The following MACROD2 variants were observed in gnomAD, a reference collection of about 807,000 sequenced individuals.
MACROD2 encodes the protein ADP-ribose glycohydrolase MACROD2.
A neutral mutation model predicts 70.4 loss-of-function variants in MACROD2; 36 were observed. That is an observed-to-expected ratio of 0.51 (90% confidence interval 0.39 to 0.68). The LOEUF is 0.68. Ranked by LOEUF, MACROD2 falls within the 30% of genes least tolerant of loss-of-function variation. MACROD2 has a pLI of 0.00. For missense variants in MACROD2, 496 were observed against 538.4 expected, an observed-to-expected ratio of 0.92 and a Z score of 0.78; for synonymous variants, 172 against 178.8, an observed-to-expected ratio of 0.96 and a Z score of 0.30.
chr20:15,994,264 A>G (rs1280441190), intron 15 of MACROD2, among the ~76,000 whole-genome samples: 1 of 152,220 alleles, frequency 6.6e-6, no homozygotes, highest in East Asian at 1.9e-4. Context: ...CACACTGTAG[A>G]TGAAGTTGTA....
intron 5 of MACROD2, among the ~76,000 whole-genome samples, chr20:14,907,764 A>G (rs542354266): frequency 2.2e-4 from 33 of 152,234 alleles, no homozygotes; most frequent in Admixed American, 1.2e-3. Context: ...CTAGATGATA[A>G]AGGGCTTTTC....
Position 15,288,641 on chromosome 20 carries a change from G to A in MACROD2, c.540+58580G>A, listed in dbSNP as rs142155781. ...CGGAACTAGGATCCCGTTTTCTCCT[G>A]TCCTTGCACATTGGAACTCTGGGTT... On this transcript the variant is annotated intron_variant, in intron 6 of 17. Coordinates refer to ENST00000684519, the MANE Select transcript of MACROD2 (RefSeq NM_001351661.2). Among the ~76,000 whole-genome samples the A allele has an allele frequency of 4.4e-3, 668 of 152,224 alleles. 7 individuals carry two copies. The highest frequency in any genetic ancestry group is 0.016 in the African/African-American group (645 of 41,540).
intron 12 of MACROD2, among the ~76,000 whole-genome samples, chr20:15,952,718 T>C (rs899722215): frequency 3.9e-5 from 6 of 152,164 alleles, no homozygotes; most frequent in African/African-American, 1.4e-4. Context: ...CACCAGACTT[T>C]AGGGGAACAC....
At chr20:15,320,145 G>T (rs1362070358) in intron 6 of MACROD2, among the ~76,000 whole-genome samples, 1 of 152,024 alleles carries the variant, frequency 6.6e-6, no homozygotes, top group Non-Finnish European at 1.5e-5. Flanking sequence ...TGGAGGTTGC[G>T]GTGAGCCAAG....
intron 8 of MACROD2, among the ~76,000 whole-genome samples, chr20:15,684,837 G>A (rs1311253005): frequency 6.6e-6 from 1 of 152,150 alleles, no homozygotes; most frequent in Non-Finnish European, 1.5e-5. Context: ...GAACATGCAT[G>A]TTTATATAGA....
At chr20:15,977,355 C>T (rs551380227) in intron 13 of MACROD2, among the ~76,000 whole-genome samples, 3 of 152,302 alleles carry the variant, frequency 2.0e-5, no homozygotes, top group Admixed American at 6.5e-5. Context: ...GAGATTATCT[C>T]GTTCCACAGC....
chr20:14,226,423 C>T (rs1025779280), intron 3 of MACROD2, among the ~76,000 whole-genome samples: 4 of 152,358 alleles, frequency 2.6e-5, no homozygotes, highest in African/African-American at 7.2e-5. Context: ...TTGAGGAGCA[C>T]TTCAGCCCAC....
intron 5 of MACROD2, among the ~76,000 whole-genome samples, chr20:15,080,115 CAAATAAATAAATAAATAAATAAATAAAT>C (rs11467492): frequency 7.0e-6 from 1 of 143,260 alleles, no homozygotes; most frequent in Non-Finnish European, 1.5e-5. Context: ...ACAGAACAGC[CAAATAAATAAATAAATAAATAAATAAAT>C]AAATAAATAA....
intron 4 of MACROD2, among the ~76,000 whole-genome samples, chr20:14,542,679 AAAC>A (rs1328996933): frequency 2.6e-5 from 4 of 152,220 alleles, no homozygotes; most frequent in Non-Finnish European, 5.9e-5. Flanking sequence ...CAGATGGATT[AAAC>A]AATGGATTGA....
chr20:14,438,757 T>C (rs1242269598), intron 3 of MACROD2, among the ~76,000 whole-genome samples: 1 of 152,180 alleles, frequency 6.6e-6, no homozygotes, highest in Non-Finnish European at 1.5e-5. Context: ...AAAATTGGAT[T>C]ATATGTTTTC....
chr20:14,211,995 A>G (rs1320624360), intron 3 of MACROD2, among the ~76,000 whole-genome samples: 1 of 152,102 alleles, frequency 6.6e-6, no homozygotes, highest in East Asian at 1.9e-4. Context: ...ACCCTAAAAG[A>G]TGCATAGTAC....
Position 14,511,795 on chromosome 20 carries a change from G to T in MACROD2, c.301+18287G>T, listed in dbSNP as rs145173800. 7.9e-3 allele frequency among the ~76,000 whole-genome samples: 1,197 copies of T among 152,026 alleles called. 18 individuals are homozygous for T. The highest frequency in any genetic ancestry group is 0.028 in the African/African-American group (1,158 of 41,496). On this transcript the variant is annotated intron_variant, in intron 4 of 17. Coordinates refer to ENST00000684519, the MANE Select transcript of MACROD2 (RefSeq NM_001351661.2). ...AAGTTGTATATCCTATTACATGTGT[G>T]ATTTAGTAATATCCTTTAGGACACA...
chr20:14,745,234 T>C (rs1354582914), intron 5 of MACROD2, among the ~76,000 whole-genome samples: 1 of 152,154 alleles, frequency 6.6e-6, no homozygotes, highest in African/African-American at 2.4e-5. Flanking sequence ...TATATCCAAC[T>C]AAAAAAATTA....
intron 12 of MACROD2, among the ~76,000 whole-genome samples, chr20:15,958,409 G>A (rs2066008699): frequency 6.6e-6 from 1 of 152,102 alleles, no homozygotes; most frequent in Non-Finnish European, 1.5e-5. Context: ...TATCTCTTTG[G>A]ATTCCCTCAT....
chr20:14,439,618 T>C (rs928297558), intron 3 of MACROD2, among the ~76,000 whole-genome samples: 6 of 152,144 alleles, frequency 3.9e-5, no homozygotes, highest in Non-Finnish European at 5.9e-5. Flanking sequence ...CTGCTACTTA[T>C]AGCTGTACAA....
intron 8 of MACROD2, among the ~76,000 whole-genome samples, chr20:15,757,867 T>C (rs544708638): frequency 6.6e-6 from 1 of 152,306 alleles, no homozygotes; most frequent in Admixed American, 6.5e-5. Context: ...CTTGCAAATA[T>C]CCCACATCCA....
intron 5 of MACROD2, among the ~76,000 whole-genome samples, chr20:15,223,978 G>A (rs915684137): frequency 6.6e-6 from 1 of 152,118 alleles, no homozygotes; most frequent in African/African-American, 2.4e-5. Flanking sequence ...TGTCATTTAA[G>A]TTATCCAACT....
intron 3 of MACROD2, among the ~76,000 whole-genome samples, chr20:14,347,378 GA>G (rs2083074679): frequency 1.3e-5 from 2 of 152,124 alleles, no homozygotes; most frequent in Non-Finnish European, 2.9e-5. Flanking sequence ...GGCCAATTAT[GA>G]AAAAGAAAGT....
At chr20:15,231,428 C>A (rs1315068948) in intron 6 of MACROD2, among the ~76,000 whole-genome samples, 1 of 151,898 alleles carries the variant, frequency 6.6e-6, no homozygotes. Flanking sequence ...GTCAATATGG[C>A]TTATTGATTT....
Sources: allele counts gnomAD v4.1 joint callset (sites outside exome capture counted in the v4.1 genomes callset), GRCh38; gene constraint gnomAD v4.1.1; transcripts MANE v1.5; gene names NCBI Gene and HGNC (gene_info 2026-07-23, HGNC 2026-07-21).